EYS: variants seen among roughly 807,000 people sequenced by gnomAD.
EYS encodes the protein EGF-like photoreceptor maintenance factor, also known as protein eyes shut homolog.
A neutral mutation model predicts 282.1 loss-of-function variants in EYS; 250 were observed. The ratio of observed to expected loss-of-function variants is 0.89; its 90% confidence interval spans 0.80 to 0.98. The LOEUF is 0.98. Among genes scored for constraint, EYS ranks in the 50% least tolerant of loss-of-function variants. The pLI is 0.00. For missense variants in EYS, 4,016 were observed against 3,709.0 expected (o/e 1.08, Z -2.15); for synonymous variants, 1,355 against 1,282.9 (o/e 1.06, Z -1.20).
intron 31 of EYS, among the ~76,000 whole-genome samples, chr6:64,167,177 C>T (rs1764314847): frequency 6.6e-6 from 1 of 151,984 alleles, no homozygotes; most frequent in Non-Finnish European, 1.5e-5. Flanking sequence ...AATCATGCTC[C>T]CAAATAAGAG....
intron 36 of EYS, chr6:63,822,641 G>C (rs926318429): frequency 6.6e-6 from 1 of 152,126 alleles, no homozygotes; most frequent in Non-Finnish European, 1.5e-5. Flanking sequence ...AAAAGCTACC[G>C]ATTTTTATTT....
intron 31 of EYS, among the ~76,000 whole-genome samples, chr6:64,125,170 CT>C (rs1773729376): frequency 6.6e-6 from 1 of 151,280 alleles, no homozygotes; most frequent in African/African-American, 2.4e-5. Flanking sequence ...CTCTCTCTCT[CT>C]CTCTCGCTCT....
intron 29 of EYS, among the ~76,000 whole-genome samples, chr6:64,384,066 T>C (rs1772833911): frequency 6.6e-6 from 1 of 152,192 alleles, no homozygotes; most frequent in African/African-American, 2.4e-5. Flanking sequence ...TTAAAGAGAA[T>C]CCTGTTTTTA....
chr6:64,648,434 G>A (rs1400750150), intron 22 of EYS, among the ~76,000 whole-genome samples: 1 of 152,140 alleles, frequency 6.6e-6, no homozygotes, highest in African/African-American at 2.4e-5. Context: ...TTCTGTCTGT[G>A]TTTAAGAGAG....
intron 37 of EYS, among the ~76,000 whole-genome samples, chr6:63,791,712 A>C (rs1770519011): frequency 6.6e-6 from 1 of 152,150 alleles, no homozygotes; most frequent in African/African-American, 2.4e-5. Flanking sequence ...GCAATGAATG[A>C]TGTAAGTATT....
At position 64,590,745 on chromosome 6, in the gene EYS, C is replaced by T. The variant is rs1318746388; in HGVS notation, c.5122G>A (p.Gly1708Ser). 1 of 1,550,868 alleles carries T rather than the reference C, an allele frequency of 6.4e-7. No homozygotes were observed. Among genetic ancestry groups the T allele is most frequent in the African/African-American group, 1.4e-5 (1 of 73,006 alleles). ...ACCTCAGTGGGTCCCATAGTTATGC[C>T]ATATTGTCTTATTTTCAATAGTTTT... ...ILKLLKIRQY[G>S]ITMGPTEVLN... is the part of the protein sequence containing the mutation. The change falls in exon 26 of 43, where the codon GGC (glycine) becomes AGC (serine). Residue 1708 changes from glycine to serine, a missense_variant. Gly to Ser is a moderately conservative substitution (Grantham distance 56, BLOSUM62 0). Transcript: ENST00000503581.
chr6:65,610,811 G>C (rs1466911846), intron 2 of EYS, among the ~76,000 whole-genome samples: 1 of 151,854 alleles, frequency 6.6e-6, no homozygotes, highest in African/African-American at 2.4e-5. Flanking sequence ...TTAAAATATC[G>C]TGTTTATAAT....
intron 12 of EYS, among the ~76,000 whole-genome samples, chr6:65,057,962 G>A (rs552202401): frequency 2.6e-5 from 4 of 152,194 alleles, no homozygotes; most frequent in African/African-American, 7.2e-5. Flanking sequence ...TGAGTTTGTA[G>A]GCATGCAAAG....
At chr6:64,806,425 T>G (rs2150011429) in intron 22 of EYS, among the ~76,000 whole-genome samples, 1 of 151,874 alleles carries the variant, frequency 6.6e-6, no homozygotes, top group African/African-American at 2.4e-5. Flanking sequence ...TATGGATTAC[T>G]TATCTCAAAT....
chr6:64,868,943 C>T (rs1357781312), intron 19 of EYS, among the ~76,000 whole-genome samples: 1 of 151,426 alleles, frequency 6.6e-6, no homozygotes, highest in African/African-American at 2.4e-5. Flanking sequence ...AATAATATTT[C>T]ACTGTCTAAA....
chr6:65,525,926 A>C (rs1235064230), intron 2 of EYS, among the ~76,000 whole-genome samples: 2 of 152,242 alleles, frequency 1.3e-5, no homozygotes, highest in East Asian at 1.9e-4. Flanking sequence ...CATACATGGC[A>C]GTGAGTCTGG....
At chr6:63,733,139 G>C (rs768373091) in intron 41 of EYS, among the ~76,000 whole-genome samples, 1 of 152,064 alleles carries the variant, frequency 6.6e-6, no homozygotes, top group Admixed American at 6.6e-5. Context: ...GTGACTGGAC[G>C]AGTGTTAAGG....
intron 36 of EYS, among the ~76,000 whole-genome samples, chr6:63,856,015 G>GTTTTT (rs35464160): frequency 1.4e-5 from 2 of 138,320 alleles, no homozygotes; most frequent in Non-Finnish European, 3.1e-5. Context: ...TTTCAGTGAA[G>GTTTTT]TTTTTTTTTT....
intron 31 of EYS, among the ~76,000 whole-genome samples, chr6:64,190,241 T>C (rs934036861): frequency 7.2e-5 from 11 of 152,178 alleles, no homozygotes; most frequent in Non-Finnish European, 2.9e-5. Context: ...GGGTGAAACA[T>C]GTATGTGAAC....
At position 63,984,404 on chromosome 6, in the gene EYS, C is replaced by A. The variant is rs201304559; in HGVS notation, c.7034G>T (p.Arg2345Leu). The change falls in exon 35 of 43, where the codon CGC (arginine) becomes CTC (leucine). Residue 2345 changes from arginine (R) to leucine (L), a missense_variant. Physicochemically the swap from Arg to Leu is moderately radical, Grantham distance 102 (BLOSUM62 -2). Coordinates refer to ENST00000503581, the MANE Select transcript of EYS (RefSeq NM_001142800.2). ...HVPWCAHHLC[R>L]NNGTCISDNE... ...TGACCTGATGCAGGTGCCATTGTTG[C>A]GGCACAGATGATGAGCACACCAAGG... 2.6e-6 allele frequency: 4 copies of A among 1,548,262 alleles called. No individual in the cohort carries two copies. Among genetic ancestry groups the A allele is most frequent in the Middle Eastern group, 1.7e-4 (1 of 5,970 alleles).
chr6:65,377,958 T>G (rs1252794963), intron 8 of EYS, among the ~76,000 whole-genome samples: 1 of 152,100 alleles, frequency 6.6e-6, no homozygotes, highest in Admixed American at 6.6e-5. Flanking sequence ...AATTCACAGC[T>G]GAATTCTACC....
intron 11 of EYS, among the ~76,000 whole-genome samples, chr6:65,334,075 A>C (rs2150312933): frequency 6.6e-6 from 1 of 151,764 alleles, no homozygotes; most frequent in South Asian, 2.1e-4. Context: ...AACGTCTCTA[A>C]ATTTTGACTG....
chr6:65,484,360 A>T (rs1429716486), intron 5 of EYS, among the ~76,000 whole-genome samples: 1 of 152,188 alleles, frequency 6.6e-6, no homozygotes, highest in African/African-American at 2.4e-5. Flanking sequence ...ATAAATCACC[A>T]CTTGGTATTT....
chr6:64,604,135 C>G (rs1766851562), intron 24 of EYS, among the ~76,000 whole-genome samples: 2 of 151,890 alleles, frequency 1.3e-5, no homozygotes, highest in African/African-American at 4.8e-5. Flanking sequence ...AATAATTCAT[C>G]TATAATGGCT....
Sources: gnomAD v4.1 joint callset for allele counts (sites outside exome capture counted in the v4.1 genomes callset) on GRCh38, gnomAD v4.1.1 for gene constraint, MANE v1.5 for transcripts, NCBI Gene and HGNC (gene_info 2026-07-23, HGNC 2026-07-21) for gene names.